Variants in SLC16A10 observed in about 807,000 individuals in gnomAD.
The protein encoded by SLC16A10 is solute carrier family 16 member 10.
A neutral mutation model predicts 40.0 loss-of-function variants in SLC16A10; 27 were observed. That is an observed-to-expected ratio of 0.67 (90% CI 0.50 to 0.93). SLC16A10 has a LOEUF of 0.93. SLC16A10 is among the 40% of genes least tolerant of loss of function. The pLI, the probability that SLC16A10 is intolerant of heterozygous loss-of-function variation, is 0.00. For missense variants in SLC16A10, 529 were observed against 658.2 expected, an observed-to-expected ratio of 0.80 and a Z score of 2.15; for synonymous variants, 213 against 249.8, an observed-to-expected ratio of 0.85 and a Z score of 1.39.
At chr6:111,206,229 A>G (rs1773250762) in intron 3 of SLC16A10, among the ~76,000 whole-genome samples, 1 of 151,994 alleles carries the variant, frequency 6.6e-6, no homozygotes, top group African/African-American at 2.4e-5. Flanking sequence ...GGCATGCGTC[A>G]CCACGCCTGG....
chr6:111,211,461 A>G (rs1773345258), intron 4 of SLC16A10, among the ~76,000 whole-genome samples: 1 of 152,218 alleles, frequency 6.6e-6, no homozygotes, highest in South Asian at 2.1e-4. Context: ...ACTTTAGATG[A>G]AAGTTTAGCC....
intron 1 of SLC16A10, among the ~76,000 whole-genome samples, chr6:111,160,687 G>C (rs1385663196): frequency 6.6e-6 from 1 of 152,216 alleles, no homozygotes. Context: ...GAAGTGTAAG[G>C]ATGGGTGGAG....
Position 111,165,352 on chromosome 6 carries a change from G to A in SLC16A10, c.344-7343G>A, listed in dbSNP as rs1041663434. On this transcript the variant is annotated intron_variant, in intron 1 of 5. Transcript: ENST00000368851. Reference sequence around the variant, plus strand: ...GAAGTTATCTTAGGGCCTCTCATGCGTGCATTAAGAGAGGCAAGACAAAAT... The same window carrying A: ...GAAGTTATCTTAGGGCCTCTCATGCATGCATTAAGAGAGGCAAGACAAAAT... 7.8e-4 allele frequency among the ~76,000 whole-genome samples: 118 copies of A among 152,112 alleles called. 1 individual carries two copies. The highest frequency in any genetic ancestry group is 2.3e-3 in the African/African-American group (96 of 41,414).
chr6:111,108,821 T>C (rs979718156), intron 1 of SLC16A10, among the ~76,000 whole-genome samples: 4 of 152,182 alleles, frequency 2.6e-5, no homozygotes, highest in African/African-American at 4.8e-5. Context: ...CATAACAAAC[T>C]TCACCTGCTT....
chr6:111,098,236 T>C (rs948321812), intron 1 of SLC16A10, among the ~76,000 whole-genome samples: 4 of 151,908 alleles, frequency 2.6e-5, no homozygotes, highest in Admixed American at 2.6e-4. Flanking sequence ...AACCCGCGAG[T>C]TGGAGGTTGC....
intron 3 of SLC16A10, among the ~76,000 whole-genome samples, chr6:111,188,855 G>A (rs1220695145): frequency 6.6e-6 from 1 of 152,202 alleles, no homozygotes; most frequent in Non-Finnish European, 1.5e-5. Flanking sequence ...TATAAGGAAA[G>A]CAGTGCTAAT....
At chr6:111,147,573 G>A (rs1772102044) in intron 1 of SLC16A10, among the ~76,000 whole-genome samples, 1 of 152,134 alleles carries the variant, frequency 6.6e-6, no homozygotes. Flanking sequence ...TGAACATTCA[G>A]CACTATTTGG....
At chr6:111,117,261 A>G (rs559179545) in intron 1 of SLC16A10, among the ~76,000 whole-genome samples, 38 of 147,924 alleles carry the variant, frequency 2.6e-4, no homozygotes, top group African/African-American at 9.4e-4. Context: ...CTGAGGCAGG[A>G]GAATGGCGTG....
At chr6:111,108,198 T>G (rs1412896355) in intron 1 of SLC16A10, among the ~76,000 whole-genome samples, 1 of 152,074 alleles carries the variant, frequency 6.6e-6, no homozygotes, top group Non-Finnish European at 1.5e-5. Flanking sequence ...TTTTGTATTT[T>G]TAGTAGAGAT....
chr6:111,176,416 A>G (rs1772685198), intron 2 of SLC16A10, among the ~76,000 whole-genome samples: 1 of 152,248 alleles, frequency 6.6e-6, no homozygotes, highest in African/African-American at 2.4e-5. Flanking sequence ...GAACATAATG[A>G]TATGATCCTT....
intron 1 of SLC16A10, among the ~76,000 whole-genome samples, chr6:111,110,829 C>G (rs1360098181): frequency 3.3e-5 from 5 of 152,160 alleles, no homozygotes; most frequent in African/African-American, 1.2e-4. Context: ...CAAGAAATTT[C>G]ATGTTTTCTA....
At chr6:111,164,234 T>G (rs941000630) in intron 1 of SLC16A10, among the ~76,000 whole-genome samples, 1 of 146,758 alleles carries the variant, frequency 6.8e-6, no homozygotes, top group Admixed American at 6.7e-5. Flanking sequence ...TATAATCCTT[T>G]ACTAAAAACA....
At chr6:111,192,526 C>T (rs985655531) in intron 3 of SLC16A10, among the ~76,000 whole-genome samples, 3 of 152,188 alleles carry the variant, frequency 2.0e-5, no homozygotes, top group African/African-American at 7.2e-5. Flanking sequence ...GCCTGTTACC[C>T]AGTTCCAAAG....
Position 111,095,208 on chromosome 6 carries a change from G to A in SLC16A10, c.343+7113G>A, listed in dbSNP as rs183297607. Among the ~76,000 whole-genome samples, 11 of 152,240 alleles carry A rather than the reference G, an allele frequency of 7.2e-5. No homozygotes were observed. The East Asian group carries it at 2.1e-3, about 29-fold the overall frequency. ...TAGCCAACCTGTAGGTGTTACACTGGCCCAAATTTGTCTTGCTGCTTTTTG... is the reference window on the plus strand; with the variant it reads ...TAGCCAACCTGTAGGTGTTACACTGACCCAAATTTGTCTTGCTGCTTTTTG... On this transcript the variant is annotated intron_variant, in intron 1 of 5. Transcript: ENST00000368851.
At chr6:111,173,470 G>A (rs1050220113) in intron 2 of SLC16A10, 4 of 152,234 alleles carry the variant, frequency 2.6e-5, no homozygotes, top group Non-Finnish European at 5.9e-5. Context: ...GCCACAGACT[G>A]GTACGGGTCC....
At chr6:111,142,744 A>C (rs371188888) in intron 1 of SLC16A10, among the ~76,000 whole-genome samples, 1 of 152,254 alleles carries the variant, frequency 6.6e-6, no homozygotes, top group African/African-American at 2.4e-5. Flanking sequence ...GATGTGGGAC[A>C]ACAGGAACTT....
chr6:111,210,683 T>TA (rs1451859649), intron 4 of SLC16A10, among the ~76,000 whole-genome samples: 4 of 151,994 alleles, frequency 2.6e-5, no homozygotes, highest in African/African-American at 9.7e-5. Flanking sequence ...ACTGGAAAGT[T>TA]AGAGTGGGTC....
At chr6:111,168,487 A>C (rs1772520089) in intron 1 of SLC16A10, among the ~76,000 whole-genome samples, 2 of 150,684 alleles carry the variant, frequency 1.3e-5, no homozygotes, top group South Asian at 4.1e-4. Context: ...TAGCAGTAAT[A>C]GTCAGACTTG....
At chr6:111,113,527 A>C (rs186386829) in intron 1 of SLC16A10, among the ~76,000 whole-genome samples, 15 of 152,244 alleles carry the variant, frequency 9.9e-5, no homozygotes, top group Admixed American at 4.6e-4. Flanking sequence ...CTGGGGTTTC[A>C]TTTGAGGAAC....
Sources: allele counts gnomAD v4.1 joint callset (sites outside exome capture counted in the v4.1 genomes callset), GRCh38; gene constraint gnomAD v4.1.1; transcripts MANE v1.5; gene names NCBI Gene and HGNC (gene_info 2026-07-23, HGNC 2026-07-21).